ITGA9: variants seen among roughly 807,000 people sequenced by gnomAD.
ITGA9 encodes the protein integrin subunit alpha 9, also known as integrin alpha-9.
In ITGA9, 56 loss-of-function variants were observed where a neutral mutation model predicts 127.8. That is an observed-to-expected ratio of 0.44 (90% confidence interval 0.35 to 0.55). The LOEUF is 0.55. Among genes scored for constraint, ITGA9 ranks in the 20% least tolerant of loss-of-function variants. The pLI, the probability that ITGA9 is intolerant of heterozygous loss-of-function variation, is 0.00. For synonymous variants in ITGA9, 508 were observed against 514.5 expected (o/e 0.99, Z 0.17); for missense variants, 1,196 against 1,347.1 (o/e 0.89, Z 1.76).
chr3:37,551,028 GTC>G (rs1403328929), intron 15 of ITGA9, among the ~76,000 whole-genome samples: 2 of 152,190 alleles, frequency 1.3e-5, no homozygotes, highest in African/African-American at 4.8e-5. Flanking sequence ...GATTATCAGA[GTC>G]TTTTTTCTTT....
intron 1 of ITGA9, among the ~76,000 whole-genome samples, chr3:37,459,449 A>G (rs149911605): frequency 6.6e-6 from 1 of 152,348 alleles, no homozygotes; most frequent in African/African-American, 2.4e-5. Flanking sequence ...GAAAGGGATG[A>G]GGGAGCTCTC....
At chr3:37,582,137 A>C (rs965319954) in intron 15 of ITGA9, among the ~76,000 whole-genome samples, 10 of 152,220 alleles carry the variant, frequency 6.6e-5, no homozygotes, top group African/African-American at 2.4e-4. Context: ...TAATGACAAT[A>C]GCAGCAAACA....
At chr3:37,564,712 A>AT (rs1699528630) in intron 15 of ITGA9, among the ~76,000 whole-genome samples, 1 of 152,198 alleles carries the variant, frequency 6.6e-6, no homozygotes, top group South Asian at 2.1e-4. Context: ...GCACCTGTTG[A>AT]ATGCCTGTGC....
chr3:37,801,486 A>G (rs897945993), intron 26 of ITGA9, among the ~76,000 whole-genome samples: 1 of 152,094 alleles, frequency 6.6e-6, no homozygotes, highest in Admixed American at 6.5e-5. Flanking sequence ...TAAAAAGTAA[A>G]AAGAGCTGGG....
chr3:37,794,491 G>A (rs1697149262), intron 26 of ITGA9, among the ~76,000 whole-genome samples: 4 of 152,202 alleles, frequency 2.6e-5, no homozygotes, highest in Non-Finnish European at 5.9e-5. Flanking sequence ...AGTTGGCTTT[G>A]GAACTCTTCC....
At chr3:37,788,637 T>C (rs1697069004) in intron 26 of ITGA9, among the ~76,000 whole-genome samples, 1 of 152,116 alleles carries the variant, frequency 6.6e-6, no homozygotes, top group African/African-American at 2.4e-5. Flanking sequence ...TTTCCTAATA[T>C]TGGTACATGC....
At position 37,629,068 on chromosome 3, in the gene ITGA9, A is replaced by C; in HGVS notation, c.1690-119A>C. The C allele has an allele frequency of 2.6e-6, 3 of 1,171,624 alleles. No individual in the cohort carries two copies. Among genetic ancestry groups the C allele is most frequent in the African/African-American group, 1.5e-5 (1 of 66,290 alleles). 72.6% of individuals were successfully genotyped at this position (1,171,624 alleles called of 1,614,324 possible). On this transcript the variant is annotated intron_variant, in intron 15 of 27. Transcript: ENST00000264741. The surrounding 1 kb of genome is among the most constrained non-coding windows in gnomAD (Gnocchi z 4.5). ...GAAAGTCATAAAACCCTACCTCACG[A>C]GGGTGATTGTGAGGATTATATGAGG...
At chr3:37,804,978 T>C (rs1007425452) in intron 27 of ITGA9, among the ~76,000 whole-genome samples, 2 of 152,142 alleles carry the variant, frequency 1.3e-5, no homozygotes, top group African/African-American at 4.8e-5. Flanking sequence ...CATCAACTTA[T>C]TTTTGAATAG....
At chr3:37,647,708 A>G (rs1700392536) in intron 16 of ITGA9, among the ~76,000 whole-genome samples, 1 of 152,286 alleles carries the variant, frequency 6.6e-6, no homozygotes, top group Admixed American at 6.5e-5. Flanking sequence ...AGATTCCGCA[A>G]TAAGTGAGAT....
intron 5 of ITGA9, among the ~76,000 whole-genome samples, chr3:37,501,664 A>G (rs1698788200): frequency 6.6e-6 from 1 of 152,098 alleles, no homozygotes; most frequent in African/African-American, 2.4e-5. Context: ...AGAACTTCCT[A>G]TGAATGGAGT....
intron 9 of ITGA9, among the ~76,000 whole-genome samples, chr3:37,515,865 G>T (rs943168088): frequency 6.6e-6 from 1 of 152,096 alleles, no homozygotes; most frequent in East Asian, 1.9e-4. Flanking sequence ...CTCCAGCCTG[G>T]GCTACACAAT....
At chr3:37,628,362 C>G (rs571721122) in intron 15 of ITGA9, among the ~76,000 whole-genome samples, 1 of 152,270 alleles carries the variant, frequency 6.6e-6, no homozygotes, top group South Asian at 2.1e-4. Context: ...GGGCCAGAGT[C>G]CCCAGGAGGC....
At chr3:37,724,948 C>T (rs538943819) in intron 18 of ITGA9, among the ~76,000 whole-genome samples, 17 of 151,946 alleles carry the variant, frequency 1.1e-4, no homozygotes, top group African/African-American at 3.9e-4. Flanking sequence ...ATGTTAAGAC[C>T]CCAGGAAGGC....
intron 17 of ITGA9, among the ~76,000 whole-genome samples, chr3:37,667,403 A>G (rs1426583484): frequency 6.6e-6 from 1 of 152,222 alleles, no homozygotes; most frequent in Non-Finnish European, 1.5e-5. Context: ...TGAACCATGT[A>G]TAGGGCTCCA....
At chr3:37,513,068 A>G (rs1698949023) in intron 8 of ITGA9, among the ~76,000 whole-genome samples, 1 of 152,176 alleles carries the variant, frequency 6.6e-6, no homozygotes, top group Non-Finnish European at 1.5e-5. Flanking sequence ...GGACCAGGAG[A>G]GAATAACCTA....
At chr3:37,703,666 A>AG (rs1400310507) in intron 18 of ITGA9, among the ~76,000 whole-genome samples, 1 of 152,226 alleles carries the variant, frequency 6.6e-6, no homozygotes. Context: ...AAATAAGCAG[A>AG]AAGCTTGCAC....
intron 17 of ITGA9, among the ~76,000 whole-genome samples, chr3:37,654,908 G>A (rs1466567576): frequency 6.6e-6 from 1 of 150,900 alleles, no homozygotes; most frequent in African/African-American, 2.4e-5. Context: ...TGTTGTCATT[G>A]TTCAACTCCC....
intron 4 of ITGA9, among the ~76,000 whole-genome samples, chr3:37,482,295 C>T (rs762948382): frequency 6.6e-6 from 1 of 152,234 alleles, no homozygotes; most frequent in African/African-American, 2.4e-5. Flanking sequence ...CGCCAAGGGG[C>T]ACTTGGAAGG....
At chr3:37,536,385 G>A (rs546033756) in intron 14 of ITGA9, among the ~76,000 whole-genome samples, 33 of 152,236 alleles carry the variant, frequency 2.2e-4, no homozygotes, top group Admixed American at 1.6e-3. Context: ...TTAGCAGGAC[G>A]GCTGCATTTG....
Sources: allele counts gnomAD v4.1 joint callset (sites outside exome capture counted in the v4.1 genomes callset), GRCh38; gene constraint gnomAD v4.1.1; non-coding constraint Gnocchi (gnomAD v3.1); transcripts MANE v1.5; gene names NCBI Gene and HGNC (gene_info 2026-07-23, HGNC 2026-07-21).